Variants in PRAME observed in about 807,000 individuals in gnomAD.
The protein encoded by PRAME is melanoma antigen preferentially expressed in tumors.
Under a neutral mutation model 32.1 loss-of-function variants are expected in PRAME, and 21 were observed. The observed-to-expected ratio is 0.65, with a 90% CI of 0.46 to 0.94. PRAME has a LOEUF of 0.94. PRAME is among the 40% of genes least tolerant of loss of function. The pLI is 0.00. For missense variants in PRAME, 651 were observed against 622.3 expected (o/e 1.05, Z -0.49); for synonymous variants, 274 against 251.5 (o/e 1.09, Z -0.85).
At chr22:22,554,227 T>C in intron 3 of PRAME, 1 of 985,224 alleles carries the variant, frequency 1.0e-6, no homozygotes, top group Non-Finnish European at 1.2e-6. Flanking sequence ...CAGGCCATTC[T>C]CTGCCTCATG....
At chr22:22,555,541 T>C (rs2062853748) in intron 3 of PRAME, among the ~76,000 whole-genome samples, 1 of 151,672 alleles carries the variant, frequency 6.6e-6, no homozygotes, top group Non-Finnish European at 1.5e-5. Flanking sequence ...CCCAGCCTCT[T>C]TTTCTTTTTT....
At position 22,548,132 on chromosome 22, in the gene PRAME, G is replaced by A. The variant is rs61730839; in HGVS notation, c.1465C>T (p.His489Tyr). 53 of 1,613,742 alleles carry A rather than the reference G, an allele frequency of 3.3e-5. No homozygotes were observed. Among genetic ancestry groups the A allele is most frequent in the Non-Finnish European group, 3.8e-5 (45 of 1,179,980 alleles). The change falls in exon 6 of 6, where the codon CAC (histidine) becomes TAC (tyrosine). Residue 489 changes from histidine (H) to tyrosine (Y), a missense_variant. Coordinates refer to ENST00000405655, the MANE Select transcript of PRAME (RefSeq NM_206956.3). Reference protein sequence around the residue: ...MVWLSANPCPHCGDRTFYDPE... With the variant: ...MVWLSANPCPYCGDRTFYDPE... ...TCATAGAAGGTTCTGTCCCCACAGTGAGGACAGGGGTTGGCACTAAGCCAG... is the reference window on the plus strand; with the variant it reads ...TCATAGAAGGTTCTGTCCCCACAGTAAGGACAGGGGTTGGCACTAAGCCAG...
At chr22:22,550,621 G>C in intron 4 of PRAME, 146 bp downstream of exon 4, 1 of 964,160 alleles carries the variant, frequency 1.0e-6, no homozygotes, top group South Asian at 1.6e-5. Context: ...AGTGACCCCT[G>C]CAGTAGCCCC....
chr22:22,556,816 A>C lies in PRAME; in HGVS notation c.17T>G (p.Leu6Trp). The C allele has an allele frequency of 6.2e-7, 1 of 1,612,836 alleles. No individual in the cohort carries two copies. The highest frequency in any genetic ancestry group is 8.5e-7 in the Non-Finnish European group (1 of 1,179,862). MERRR[L>W]WGSIQSRYIS... ...CAGCTCAGGGGACCTTCTTACCCAC[A>C]AACGCCTTCGTTCCATTTTGAAGCG... Residue 6 changes from leucine to tryptophan, a missense_variant, in exon 3 of 6, where the codon TTG becomes TGG. Transcript: ENST00000405655.
chr22:22,555,391 C>T (rs1209810938), intron 3 of PRAME, among the ~76,000 whole-genome samples: 2 of 151,866 alleles, frequency 1.3e-5, no homozygotes, highest in Admixed American at 6.6e-5. Flanking sequence ...CACACGCCCC[C>T]ACACACGGCT....
intron 3 of PRAME, chr22:22,555,883 G>C (rs1019814596): frequency 2.1e-6 from 1 of 470,938 alleles, no homozygotes; most frequent in African/African-American, 2.0e-5. Flanking sequence ...GCCTCCTGGA[G>C]CTCATACTCT....
intron 4 of PRAME, 132 bp downstream of exon 4, chr22:22,550,635 G>A: frequency 9.3e-7 from 1 of 1,074,766 alleles, no homozygotes; most frequent in Middle Eastern, 2.8e-4. Context: ...TAGCCCCAAG[G>A]CCTCCCTGAA....
Position 22,556,793 on chromosome 22 carries a change from G to A in PRAME, c.21+19C>T, listed in dbSNP as rs369615433. On this transcript the variant is annotated intron_variant, in intron 3 of 5. Coordinates refer to ENST00000405655, the MANE Select transcript of PRAME (RefSeq NM_206956.3). ...AGGGCTTCTCTGAGCACCTCAGACA[G>A]CTCAGGGGACCTTCTTACCCACAAA... is the stretch of plus-strand genomic sequence containing the variant. 6.2e-7 allele frequency: 1 copy of A among 1,612,644 alleles called. No individual in the cohort carries two copies. Among genetic ancestry groups the A allele is most frequent in the Non-Finnish European group, 8.5e-7 (1 of 1,179,802 alleles).
chr22:22,548,409 A>C lies in PRAME; in HGVS notation c.1188T>G (p.Leu396=). ...AGTGGCTCAGGGAAGGCAGGAGGGC[A>C]AGGAGCTGATCATCCGTGATCCCAC... ...DECGITDDQL[L]ALLPSLSHCS... is the part of the protein sequence containing the mutation. The change falls in exon 6 of 6, where the codon CTT becomes CTG. Residue 396 remains leucine, a synonymous_variant. Transcript: ENST00000405655. The C allele has an allele frequency of 6.2e-7, 1 of 1,613,584 alleles. No homozygotes were observed. Among genetic ancestry groups the C allele is most frequent in the Non-Finnish European group, 8.5e-7 (1 of 1,179,944 alleles).
In PRAME at chr22:22,557,543, AC is replaced by A. The variant is rs2063004588; in HGVS notation, c.-78+1del. ...AGCGGAGGAATCAGGGCTCGAACTT[AC>A]GTTTTTCCTCAGAGAGTTCACCACA... On this transcript the variant is annotated splice_donor_variant, in intron 2 of 5. Transcript: ENST00000405655. LOFTEE classifies it low-confidence loss of function (5UTR_SPLICE). 1 of 151,502 alleles carries A rather than the reference AC, an allele frequency of 6.6e-6. No individual in the cohort carries two copies. The highest frequency in any genetic ancestry group is 2.1e-4 in the East Asian group (1 of 4,852). 9.4% of individuals were successfully genotyped at this position (151,502 alleles called of 1,614,324 possible). A position where few individuals can be genotyped will look rare whatever the true frequency, so the allele number is the denominator to read the frequency against.
At chr22:22,554,071 GCA>G (rs1383047134) in intron 3 of PRAME, 1 of 982,364 alleles carries the variant, frequency 1.0e-6, no homozygotes, top group African/African-American at 1.8e-5. Context: ...TCCATGCTAG[GCA>G]CAGTGCACAA....
chr22:22,552,770 G>C, intron 3 of PRAME: 1 of 466,952 alleles, frequency 2.1e-6, no homozygotes. Flanking sequence ...GGTGACAGTA[G>C]AAGGAGGCAG....
At chr22:22,548,685 G>A (rs1462621467) in intron 5 of PRAME, 42 bp from the exon 6 acceptor site, 1 of 1,492,796 alleles carries the variant, frequency 6.7e-7, no homozygotes, top group East Asian at 2.3e-5. Flanking sequence ...AATGGTGGTA[G>A]TGGGGTGGGG....
Position 22,548,310 on chromosome 22 carries a change from G to A in PRAME, c.1287C>T (p.His429=). The stretch of plus-strand genomic sequence containing the variant: ...GGGTCAGATTGCTCAGCCCGATGAG[G>A]TGCTGCAGGAGACTCTGCAGGGCAG... The part of the protein sequence containing the change: ...SISALQSLLQ[H]LIGLSNLTHV... The change falls in exon 6 of 6, where the codon CAC becomes CAT. Residue 429 remains histidine, a synonymous_variant. Coordinates refer to ENST00000405655, the MANE Select transcript of PRAME (RefSeq NM_206956.3). The A allele has an allele frequency of 1.2e-6, 2 of 1,613,718 alleles. No individual in the cohort carries two copies. Among genetic ancestry groups the A allele is most frequent in the Non-Finnish European group, 1.7e-6 (2 of 1,179,904 alleles).
Position 22,550,897 on chromosome 22 carries a change from T to C in PRAME, c.214A>G (p.Met72Val), listed in dbSNP as rs1267224024. 5 of 1,613,862 alleles carry C rather than the reference T, an allele frequency of 3.1e-6. No homozygotes were observed. The East Asian group carries it at 6.7e-5, about 22-fold the overall frequency. Residue 72 changes from methionine to valine, a missense_variant, in exon 4 of 6, where the codon ATG becomes GTG. Transcript: ENST00000405655. Reference protein sequence around the residue: ...DGRHSQTLKAMVQAWPFTCLP... With the variant: ...DGRHSQTLKAVVQAWPFTCLP... ...CAGGTGAAGGGCCAGGCCTGCACCATTGCCTTCAGGGTCTGGCTGTGTCTC... is the reference window on the plus strand; with the variant it reads ...CAGGTGAAGGGCCAGGCCTGCACCACTGCCTTCAGGGTCTGGCTGTGTCTC...
chr22:22,556,255 G>C (rs5996147), intron 3 of PRAME, among the ~76,000 whole-genome samples: 9 of 151,762 alleles, frequency 5.9e-5, no homozygotes, highest in Non-Finnish European at 1.0e-4. Context: ...TGCCCACCTC[G>C]GCCTCCCATG....
chr22:22,551,147 T>A, intron 3 of PRAME, 58 bp from the exon 4 acceptor site: 1 of 1,465,806 alleles, frequency 6.8e-7, no homozygotes, highest in Non-Finnish European at 9.2e-7. Flanking sequence ...AGCAACTCTA[T>A]CTTTTCCTCA....
Position 22,556,871 on chromosome 22 carries a change from T to C in PRAME, c.-39A>G. The C allele has an allele frequency of 6.2e-7, 1 of 1,612,610 alleles. No individual in the cohort carries two copies. Among genetic ancestry groups the C allele is most frequent in the East Asian group, 2.2e-5 (1 of 44,772 alleles). On this transcript the variant is annotated 5_prime_UTR_variant, in exon 3 of 6. Coordinates refer to ENST00000405655, the MANE Select transcript of PRAME (RefSeq NM_206956.3). ...AGGCTGGCCTCAGGACCTCCAACGC[T>C]TGGATTTCTAGGTCTCAGTCACTTG...
At chr22:22,552,758 G>GA (rs927309802) in intron 3 of PRAME, 331 of 460,502 alleles carry the variant, frequency 7.2e-4, no homozygotes, top group African/African-American at 6.1e-3. Flanking sequence ...TGGAGACCCT[G>GA]AGGTGACAGT....
Sources: gnomAD v4.1 joint callset for allele counts (sites outside exome capture counted in the v4.1 genomes callset) on GRCh38, gnomAD v4.1.1 for gene constraint, MANE v1.5 for transcripts, NCBI Gene and HGNC (gene_info 2026-07-23, HGNC 2026-07-21) for gene names.